Variants in SZT2 observed in about 807,000 individuals in gnomAD.
SZT2 encodes SZT2 subunit of KICSTOR complex.
In SZT2, 216 loss-of-function variants were observed where a neutral mutation model predicts 404.2. That is an observed-to-expected ratio of 0.53 (90% CI 0.48 to 0.60). The LOEUF (loss-of-function observed/expected upper bound fraction) is 0.60. SZT2 is among the 20% of genes least tolerant of loss of function. The probability of loss-of-function intolerance (pLI) is 0.00; values close to 1 mark genes in which losing one functional copy is unlikely to be tolerated. For synonymous variants in SZT2, 1,693 were observed against 1,749.9 expected, an observed-to-expected ratio of 0.97 and a Z score of 0.81; for missense variants, 3,857 against 4,459.2, an observed-to-expected ratio of 0.86 and a Z score of 3.85.
chr1:43,417,372 TC>T (rs1303453134), intron 7 of SZT2, among the ~76,000 whole-genome samples: 2 of 152,144 alleles, frequency 1.3e-5, no homozygotes, highest in Admixed American at 1.3e-4. Flanking sequence ...TAAAGTTGTC[TC>T]CAAGTTTTTG....
At chr1:43,403,817 G>A in intron 3 of SZT2, 43 bp downstream of exon 3, 1 of 1,599,942 alleles carries the variant, frequency 6.3e-7, no homozygotes, top group East Asian at 2.2e-5. Flanking sequence ...GGATGGGGTG[G>A]GGTGTGAGGA....
intron 4 of SZT2, among the ~76,000 whole-genome samples, chr1:43,407,827 CTTTTTTTTTT>C (rs1273177130): frequency 1.1e-5 from 1 of 94,466 alleles, no homozygotes; most frequent in South Asian, 3.3e-4. Flanking sequence ...AAATTCTAAC[CTTTTTTTTTT>C]TTTTTTTTTT....
chr1:43,392,507 C>T (rs549557020), intron 1 of SZT2, among the ~76,000 whole-genome samples: 3 of 152,072 alleles, frequency 2.0e-5, no homozygotes, highest in South Asian at 2.1e-4. Context: ...CTCCGCCTCC[C>T]GGGTTCACGC....
chr1:43,398,752 G>A (rs774611080), intron 1 of SZT2, among the ~76,000 whole-genome samples: 73 of 152,176 alleles, frequency 4.8e-4, no homozygotes, highest in Non-Finnish European at 6.0e-4. Context: ...TGGTAGTCAG[G>A]AATAACTATC....
Position 43,442,876 on chromosome 1 carries a change from A to G in SZT2, c.8209A>G (p.Ser2737Gly), listed in dbSNP as rs373822729. Reference sequence around the variant, plus strand: ...AGTGGAGACCCTCATCCGGAGTGCAAGTCCCCCGCTGAGCCGTGAGCAGGG... The same window carrying G: ...AGTGGAGACCCTCATCCGGAGTGCAGGTCCCCCGCTGAGCCGTGAGCAGGG... Reference protein sequence around the residue: ...MEVETLIRSASPPLSREQGRL... With the variant: ...MEVETLIRSAGPPLSREQGRL... The change falls in exon 59 of 72, where the codon AGT (serine) becomes GGT (glycine). Residue 2737 changes from serine to glycine, a missense_variant. This residue lies in a region of SZT2 where 573 missense variants were observed against 592.4 expected (regional missense o/e 0.97). Coordinates refer to ENST00000634258, the MANE Select transcript of SZT2 (RefSeq NM_001365999.1). This position sits in a 1 kb window ranked among gnomAD's most constrained non-coding sequence, Gnocchi z 4.5. 9 of 1,613,512 alleles carry G rather than the reference A, an allele frequency of 5.6e-6. No homozygotes were observed. The highest frequency in any genetic ancestry group is 7.6e-6 in the Non-Finnish European group (9 of 1,179,730).
At position 43,437,066 on chromosome 1, in the gene SZT2, T is replaced by G; in HGVS notation, c.6035-105T>G. The G allele has an allele frequency of 2.1e-6, 3 of 1,408,624 alleles. No individual in the cohort carries two copies. The highest frequency in any genetic ancestry group is 2.9e-6 in the Non-Finnish European group (3 of 1,025,496). 87.3% of individuals were successfully genotyped at this position (1,408,624 alleles called of 1,614,324 possible). ...ATCATTTCTCTGCAATAGTCAGGGA[T>G]GAGTCTGGAGGAGTGAGGACAAGTA... On this transcript the variant is annotated intron_variant, in intron 42 of 71. Coordinates refer to ENST00000634258, the MANE Select transcript of SZT2 (RefSeq NM_001365999.1). This position sits in a 1 kb window ranked among gnomAD's most constrained non-coding sequence, Gnocchi z 5.3.
chr1:43,422,662 G>GCCCCCCCCCCCCCCCCCCCCCCC, intron 13 of SZT2, 30 bp downstream of exon 13: 1 of 1,231,816 alleles, frequency 8.1e-7, no homozygotes, highest in Admixed American at 4.3e-5. Context: ...TTCACCCCCC[G>GCCCCCCCCCCCCCCCCCCCCCCC]CCCCCCCACC....
At chr1:43,404,706 C>T in intron 4 of SZT2, 156 bp downstream of exon 4, 1 of 711,850 alleles carries the variant, frequency 1.4e-6, no homozygotes, top group East Asian at 2.8e-5. Flanking sequence ...GTCTCTCTCT[C>T]CTTGAGAAGA....
intron 28 of SZT2, chr1:43,429,240 G>C (rs1457220045): frequency 6.3e-6 from 1 of 158,224 alleles, no homozygotes; most frequent in African/African-American, 2.4e-5. Flanking sequence ...TGAAAGTTAA[G>C]GCTGTAATAT....
chr1:43,443,326 C>T lies in SZT2; in HGVS notation c.8500-26C>T, dbSNP rs566253339. 3.4e-5 allele frequency: 55 copies of T among 1,614,188 alleles called. 2 individuals are homozygous for T. In the South Asian group the frequency reaches 5.4e-4, roughly 16 times the overall value. ...TCTGTGATCCTGCCCCGTCACTGCT[C>T]CATGCTCACTGCCCTGTTTCCCCAG... On this transcript the variant is annotated intron_variant, in intron 60 of 71. Coordinates refer to ENST00000634258, the MANE Select transcript of SZT2 (RefSeq NM_001365999.1).
rs72883806 is a variant in SZT2, at chr1:43,422,983, C to G, written c.2037+100C>G. Reference sequence around the variant, plus strand: ...GGGCCAGGTCTAATAGAGGGAGGAGCCCCCAGACCAAGGAAGACCTGGAGA... The same window carrying G: ...GGGCCAGGTCTAATAGAGGGAGGAGGCCCCAGACCAAGGAAGACCTGGAGA... On this transcript the variant is annotated intron_variant, in intron 14 of 71. Transcript: ENST00000634258. 2,009 of 1,483,024 alleles carry G rather than the reference C, an allele frequency of 1.4e-3. 18 individuals are homozygous for G. In the African/African-American group the frequency reaches 0.025, roughly 18 times the overall value. The allele number at this position is 1,483,024 out of a possible 1,614,324, so 91.9% of individuals were successfully genotyped here. A position where few individuals can be genotyped will look rare whatever the true frequency, so the allele number is the denominator to read the frequency against.
At chr1:43,399,524 T>A (rs1286095226) in intron 1 of SZT2, among the ~76,000 whole-genome samples, 1 of 147,836 alleles carries the variant, frequency 6.8e-6, no homozygotes. Context: ...TGCAGTGGCG[T>A]GATCTCGACT....
In SZT2 at chr1:43,435,341, C is replaced by T; in HGVS notation, c.6034+12C>T. 3 of 1,613,578 alleles carry T rather than the reference C, an allele frequency of 1.9e-6. No individual in the cohort carries two copies. The highest frequency in any genetic ancestry group is 1.1e-5 in the South Asian group (1 of 91,066). ...ACTGCCCAGTGATGGTGAGATCCCA[C>T]CCAGGAGCCTCCCTCACAAGGCAGT... On this transcript the variant is annotated intron_variant, in intron 42 of 71. Coordinates refer to ENST00000634258, the MANE Select transcript of SZT2 (RefSeq NM_001365999.1).
At position 43,424,970 on chromosome 1, in the gene SZT2, T is replaced by G; in HGVS notation, c.2550+108T>G. ...GCTGGAAACTGCCTCACAGGGACCC[T>G]GTGGCCAGAGGATGCTCAAGGTCTG... On this transcript the variant is annotated intron_variant, in intron 17 of 71. Transcript: ENST00000634258. The surrounding 1 kb of genome is among the most constrained non-coding windows in gnomAD (Gnocchi z 4.1). 2 of 1,493,104 alleles carry G rather than the reference T, an allele frequency of 1.3e-6. No individual in the cohort carries two copies. The highest frequency in any genetic ancestry group is 1.9e-6 in the Non-Finnish European group (2 of 1,074,966). The allele number at this position is 1,493,104 out of a possible 1,614,324, so 92.5% of individuals were successfully genotyped here. A position where few individuals can be genotyped will look rare whatever the true frequency, so the allele number is the denominator to read the frequency against.
rs1655763705 is a variant in SZT2, at chr1:43,447,081, C to T, written c.9199C>T (p.His3067Tyr). 1 of 1,613,846 alleles carries T rather than the reference C, an allele frequency of 6.2e-7. No homozygotes were observed. The highest frequency in any genetic ancestry group is 1.7e-5 in the Admixed American group (1 of 60,000). The part of the protein sequence containing the change: ...HVLGAHLVLR[H>Y]GYHLTTFLRH... ...GCTAGGTGCCCATCTGGTGCTGCGG[C>T]ACGGCTACCACCTCACCACCTTTCT... Residue 3067 changes from histidine to tyrosine, a missense_variant, in exon 66 of 72, where the codon CAC (histidine) becomes TAC (tyrosine). Physicochemically the swap from His to Tyr is moderately conservative, Grantham distance 83 (BLOSUM62 2). This residue lies in a region of SZT2 where 717 missense variants were observed against 868.2 expected (regional missense o/e 0.83). Transcript: ENST00000634258.
intron 46 of SZT2, chr1:43,438,145 C>G (rs1055447387): frequency 8.3e-6 from 4 of 483,170 alleles, no homozygotes; most frequent in Admixed American, 6.6e-5. Context: ...TCGGGTCTTT[C>G]CTCAAGCAGG....
intron 1 of SZT2, chr1:43,393,889 G>A (rs570233940): frequency 6.5e-6 from 1 of 154,526 alleles, no homozygotes; most frequent in African/African-American, 2.4e-5. Flanking sequence ...ACATCCCTAT[G>A]AAGATATTCT....
At chr1:43,418,471 G>A (rs1005925538) in intron 7 of SZT2, among the ~76,000 whole-genome samples, 2 of 151,746 alleles carry the variant, frequency 1.3e-5, no homozygotes, top group African/African-American at 4.8e-5. Flanking sequence ...AAGGGCCTCC[G>A]ATTTCTCTCT....
chr1:43,427,818 A>G, intron 26 of SZT2, 84 bp downstream of exon 26: 1 of 1,502,500 alleles, frequency 6.7e-7, no homozygotes, highest in Non-Finnish European at 9.0e-7. Context: ...AGGCGTGGGC[A>G]GGTAAGTTGC....
Sources: allele counts gnomAD v4.1 joint callset (sites outside exome capture counted in the v4.1 genomes callset), GRCh38; gene constraint gnomAD v4.1.1; regional missense constraint gnomAD v4.1.1; non-coding constraint Gnocchi (gnomAD v3.1); transcripts MANE v1.5; gene names NCBI Gene and HGNC (gene_info 2026-07-23, HGNC 2026-07-21).